PKIG: variants seen among roughly 807,000 people sequenced by gnomAD.
PKIG encodes protein kinase (cAMP-dependent, catalytic) inhibitor gamma.
In PKIG, 1 loss-of-function variant was observed where a neutral mutation model predicts 6.8. That is an observed-to-expected ratio of 0.15 (90% CI 0.05 to 0.69). The LOEUF (loss-of-function observed/expected upper bound fraction) is 0.69, where lower values mean the gene tolerates loss of function less well. Among genes scored for constraint, PKIG ranks in the 30% least tolerant of loss-of-function variants. PKIG has a pLI of 0.82. For missense variants in PKIG, 77 were observed against 104.0 expected, an observed-to-expected ratio of 0.74 and a Z score of 1.13; for synonymous variants, 39 against 43.0, an observed-to-expected ratio of 0.91 and a Z score of 0.36.
intron 1 of PKIG, among the ~76,000 whole-genome samples, chr20:44,554,974 C>T (rs920246763): frequency 7.2e-5 from 11 of 151,932 alleles, no homozygotes; most frequent in Non-Finnish European, 1.5e-4. Context: ...AAAATTGTTA[C>T]GGTTTTGGGT....
chr20:44,557,128 A>C (rs1171117536), intron 1 of PKIG, among the ~76,000 whole-genome samples: 1 of 152,188 alleles, frequency 6.6e-6, no homozygotes, highest in African/African-American at 2.4e-5. Context: ...ATCTATACTT[A>C]ATGAGAGGGA....
chr20:44,581,077 A>T (rs1252559740), upstream of PKIG, among the ~76,000 whole-genome samples: 1 of 152,146 alleles, frequency 6.6e-6, no homozygotes, highest in African/African-American at 2.4e-5. Flanking sequence ...TGGCATTGGC[A>T]TGTGTGTGGC....
At chr20:44,575,170 A>G (rs2064886012) in intron 1 of PKIG, among the ~76,000 whole-genome samples, 1 of 152,102 alleles carries the variant, frequency 6.6e-6, no homozygotes, top group South Asian at 2.1e-4. Flanking sequence ...CTCCTGCCTC[A>G]GCCTCCCAAG....
intron 1 of PKIG, among the ~76,000 whole-genome samples, chr20:44,571,272 T>C (rs1017192193): frequency 2.0e-5 from 3 of 150,564 alleles, no homozygotes; most frequent in African/African-American, 7.3e-5. Context: ...CCTGAAAAAA[T>C]TTTTAAATAA....
chr20:44,591,526 C>G lies in PKIG; in HGVS notation c.-24+1660C>G, dbSNP rs1170789399. Among the ~76,000 whole-genome samples the G allele has an allele frequency of 2.7e-5, 4 of 149,466 alleles. No individual in the cohort carries two copies. In the East Asian group the frequency reaches 8.0e-4, roughly 30 times the overall value. Reference sequence around the variant, plus strand: ...CTTCTTAGCGCCTGTGCTCCTCCTTCCCTTGGAACTTCAAGAAGGCAAAGG... The same window carrying G: ...CTTCTTAGCGCCTGTGCTCCTCCTTGCCTTGGAACTTCAAGAAGGCAAAGG... On this transcript the variant is annotated intron_variant, in intron 2 of 3. Transcript: ENST00000372886.
At chr20:44,567,115 T>G (rs2064816841) in intron 1 of PKIG, among the ~76,000 whole-genome samples, 1 of 152,212 alleles carries the variant, frequency 6.6e-6, no homozygotes, top group Admixed American at 6.5e-5. Flanking sequence ...GTAGGGATCT[T>G]ACAGAATCTT....
rs868305126 is a variant in PKIG, at chr20:44,607,359, G to A, written c.-23-7175G>A. 4.0e-3 allele frequency among the ~76,000 whole-genome samples: 522 copies of A among 128,974 alleles called. 4 individuals are homozygous for A. The highest frequency in any genetic ancestry group is 8.4e-3 in the African/African-American group (271 of 32,146). 84.6% of individuals were successfully genotyped at this position (128,974 alleles called of 152,430 possible). A position where few individuals can be genotyped will look rare whatever the true frequency, so the allele number is the denominator to read the frequency against. ...TGTGTGTGTATATGTGTGTGTGTGT[G>A]TATATATATATATATATATTTTTTT... On this transcript the variant is annotated intron_variant, in intron 2 of 3. Coordinates refer to ENST00000372886, the MANE Select transcript of PKIG (RefSeq NM_001281445.2).
intron 2 of PKIG, among the ~76,000 whole-genome samples, chr20:44,595,999 C>T (rs1432616630): frequency 6.6e-6 from 1 of 151,902 alleles, no homozygotes; most frequent in African/African-American, 2.4e-5. Context: ...TTTTGTTTTA[C>T]TCTTATCATT....
At chr20:44,557,044 C>A in intron 1 of PKIG, among the ~76,000 whole-genome samples, 1 of 152,158 alleles carries the variant, frequency 6.6e-6, no homozygotes, top group East Asian at 1.9e-4. Context: ...AAAAGGGGGC[C>A]ATGCATCTAT....
chr20:44,534,724 C>T (rs1268657398), intron 1 of PKIG, among the ~76,000 whole-genome samples: 3 of 152,138 alleles, frequency 2.0e-5, no homozygotes, highest in Non-Finnish European at 4.4e-5. Flanking sequence ...CCGCATCGGC[C>T]TCCCAAGATG....
At chr20:44,580,502 C>T (rs540401921), upstream of PKIG, among the ~76,000 whole-genome samples, 5 of 152,188 alleles carry the variant, frequency 3.3e-5, no homozygotes, top group Admixed American at 1.3e-4. Flanking sequence ...CACGCCACCA[C>T]GCCTGACTAA....
chr20:44,618,134 A>G, intron 3 of PKIG, 151 bp from the exon 4 acceptor site: 2 of 671,176 alleles, frequency 3.0e-6, no homozygotes, highest in South Asian at 3.2e-5. Flanking sequence ...GCTAAAGTCC[A>G]TAGGCCACCA....
Position 44,614,505 on chromosome 20 carries a change from C to G in PKIG, c.-23-29C>G. The G allele has an allele frequency of 1.3e-6, 2 of 1,577,456 alleles. No individual in the cohort carries two copies. The highest frequency in any genetic ancestry group is 1.7e-6 in the Non-Finnish European group (2 of 1,150,868). On this transcript the variant is annotated intron_variant, in intron 2 of 3. Transcript: ENST00000372886. This position sits in a 1 kb window ranked among gnomAD's most constrained non-coding sequence, Gnocchi z 4.6. ...CTCTGCAGAATGCATCTGGACTTACCTCTGCCCCCTTGCCTTCTGTCCCCA... is the reference window on the plus strand; with the variant it reads ...CTCTGCAGAATGCATCTGGACTTACGTCTGCCCCCTTGCCTTCTGTCCCCA...
At chr20:44,615,684 TCTCCCCGTGGG>T (rs2065258271) in intron 3 of PKIG, among the ~76,000 whole-genome samples, 1 of 152,092 alleles carries the variant, frequency 6.6e-6, no homozygotes, top group Non-Finnish European at 1.5e-5. Flanking sequence ...GCTGCAACTG[TCTCCCCGTGGG>T]CTGTCCGGAG....
intron 1 of PKIG, among the ~76,000 whole-genome samples, chr20:44,554,350 A>G (rs1600847512): frequency 6.6e-6 from 1 of 152,294 alleles, no homozygotes. Flanking sequence ...CCAAAGTGCT[A>G]GGATTATAAG....
At position 44,612,851 on chromosome 20, in the gene PKIG, A is replaced by G. The variant is rs551168224; in HGVS notation, c.-23-1683A>G. ...TAGGGATGGGCACAGAGACTTTCATAAAGTCCCAGTGCTGTGTGTGGCGGT... is the reference window on the plus strand; with the variant it reads ...TAGGGATGGGCACAGAGACTTTCATGAAGTCCCAGTGCTGTGTGTGGCGGT... On this transcript the variant is annotated intron_variant, in intron 2 of 3. Transcript: ENST00000372886. Among the ~76,000 whole-genome samples the G allele has an allele frequency of 4.6e-5, 7 of 152,324 alleles. No individual in the cohort carries two copies. In the East Asian group the frequency reaches 1.2e-3, roughly 25 times the overall value.
chr20:44,585,693 T>C (rs2064984109), intron 1 of PKIG, among the ~76,000 whole-genome samples: 1 of 152,232 alleles, frequency 6.6e-6, no homozygotes, highest in Admixed American at 6.5e-5. Flanking sequence ...TGAACTCTAG[T>C]CAGAAGTCAG....
intron 1 of PKIG, among the ~76,000 whole-genome samples, chr20:44,544,382 A>G (rs1451399863): frequency 6.6e-6 from 1 of 152,210 alleles, no homozygotes; most frequent in Non-Finnish European, 1.5e-5. Flanking sequence ...GCTGCTGATA[A>G]CAGTGCTTTA....
chr20:44,592,366 T>C lies in PKIG; in HGVS notation c.-24+2500T>C, dbSNP rs368771561. 1.8e-4 allele frequency among the ~76,000 whole-genome samples: 28 copies of C among 152,252 alleles called. No individual in the cohort carries two copies. The East Asian group carries it at 5.0e-3, about 27-fold the overall frequency. On this transcript the variant is annotated intron_variant, in intron 2 of 3. Transcript: ENST00000372886. Reference sequence around the variant, plus strand: ...CAGAGGAATCAAGGGACAGCTGTTCTCTTACAAACCTTGAAAATCCTGTAC... The same window carrying C: ...CAGAGGAATCAAGGGACAGCTGTTCCCTTACAAACCTTGAAAATCCTGTAC...
Sources: gnomAD v4.1 joint callset for allele counts (sites outside exome capture counted in the v4.1 genomes callset) on GRCh38, gnomAD v4.1.1 for gene constraint, Gnocchi (gnomAD v3.1) non-coding constraint, MANE v1.5 for transcripts, NCBI Gene and HGNC (gene_info 2026-07-23, HGNC 2026-07-21) for gene names.